Variants in CEP83 observed in about 807,000 individuals in gnomAD.
The protein encoded by CEP83 is centrosomal protein of 83 kDa.
A neutral mutation model predicts 101.9 loss-of-function variants in CEP83; 70 were observed. The observed-to-expected ratio is 0.69, with a 90% CI of 0.57 to 0.84. CEP83 has a LOEUF of 0.84. CEP83 is among the 40% of genes least tolerant of loss of function. The pLI is 0.00. For synonymous variants in CEP83, 264 were observed against 267.9 expected (o/e 0.99, Z 0.14); for missense variants, 715 against 787.2 (o/e 0.91, Z 1.10).
downstream of CEP83, chr12:94,306,743 TTTTTGCTTCTGTA>T: frequency 6.6e-6 from 1 of 152,176 alleles, no homozygotes; most frequent in South Asian, 2.1e-4. Flanking sequence ...AGGCAATTCC[TTTTTGCTTCTGTA>T]TTATCTGGAA....
chr12:94,340,729 G>A (rs764008922), intron 11 of CEP83, among the ~76,000 whole-genome samples: 4 of 152,174 alleles, frequency 2.6e-5, no homozygotes, highest in African/African-American at 4.8e-5. Flanking sequence ...GAGCCACCAC[G>A]CCCAGCCTCG....
In CEP83 at chr12:94,427,835, T is replaced by C. The variant is rs573692659; in HGVS notation, c.-102+7440A>G. 2.6e-5 allele frequency among the ~76,000 whole-genome samples: 4 copies of C among 152,306 alleles called. No homozygotes were observed. In the South Asian group the frequency reaches 8.3e-4, roughly 32 times the overall value. On this transcript the variant is annotated intron_variant, in intron 2 of 16. Coordinates refer to ENST00000397809, the MANE Select transcript of CEP83 (RefSeq NM_016122.3). Reference sequence around the variant, plus strand: ...AATGAATTTCTTCAAAATCCAGAGATAATCCTGCACTAGTCACCCAAACAG... The same window carrying C: ...AATGAATTTCTTCAAAATCCAGAGACAATCCTGCACTAGTCACCCAAACAG...
chr12:94,394,580 C>A (rs2062765500), intron 6 of CEP83, among the ~76,000 whole-genome samples: 1 of 152,154 alleles, frequency 6.6e-6, no homozygotes, highest in South Asian at 2.1e-4. Flanking sequence ...GACTTCATGA[C>A]TAAAACACCA....
the CEP83 span, among the ~76,000 whole-genome samples, chr12:94,275,293 G>A: frequency 1.3e-5 from 2 of 152,244 alleles, no homozygotes; most frequent in African/African-American, 4.8e-5. Flanking sequence ...TGACATCCCA[G>A]CCCTAATACT....
chr12:94,362,330 TAAC>T (rs1216490208), intron 11 of CEP83, among the ~76,000 whole-genome samples: 5 of 152,172 alleles, frequency 3.3e-5, no homozygotes, highest in Admixed American at 1.3e-4. Flanking sequence ...CAAAAAAAAC[TAAC>T]AACAGGCCAA....
chr12:94,453,824 C>T (rs577626773), intron 1 of CEP83, among the ~76,000 whole-genome samples: 18 of 152,312 alleles, frequency 1.2e-4, no homozygotes, highest in African/African-American at 2.6e-4. Flanking sequence ...CTAGGCCGGG[C>T]GCAGTGGCTC....
At chr12:94,343,517 C>G (rs1453023679) in intron 11 of CEP83, among the ~76,000 whole-genome samples, 2 of 117,576 alleles carry the variant, frequency 1.7e-5, no homozygotes, top group Admixed American at 1.0e-4. Context: ...GAGTCTCGCT[C>G]TGTCGCCCAG....
At chr12:94,276,123 TAAAGAC>T in the CEP83 span, among the ~76,000 whole-genome samples, 1 of 152,328 alleles carries the variant, frequency 6.6e-6, no homozygotes, top group East Asian at 1.9e-4. Flanking sequence ...GTGTTTTTGT[TAAAGAC>T]AATAGTGCCT....
intron 2 of CEP83, chr12:94,424,270 T>G (rs987832495): frequency 1.2e-6 from 2 of 1,614,092 alleles, no homozygotes; most frequent in African/African-American, 2.7e-5. Flanking sequence ...CCCGTCCATT[T>G]TGCACAAATA....
downstream of CEP83, chr12:94,305,210 G>A: frequency 1.2e-6 from 2 of 1,609,986 alleles, no homozygotes; most frequent in Non-Finnish European, 1.7e-6. Flanking sequence ...GAGAACGAGG[G>A]CTGGAAGAAG....
rs139578450 is a variant in CEP83 at position 94,366,117 on chromosome 12, A to G, written c.1343+1677T>C. Among the ~76,000 whole-genome samples the G allele has an allele frequency of 7.8e-4, 119 of 152,086 alleles. 1 individual carries two copies. In the East Asian group the frequency reaches 0.022, roughly 28 times the overall value. On this transcript the variant is annotated intron_variant, in intron 11 of 16. Coordinates refer to ENST00000397809, the MANE Select transcript of CEP83 (RefSeq NM_016122.3). ...GATGTGGGAAGTGGCATTTTTTTGAAGGTTTTGTTTTTTTGTTTTTGTTTT... is the reference window on the plus strand; with the variant it reads ...GATGTGGGAAGTGGCATTTTTTTGAGGGTTTTGTTTTTTTGTTTTTGTTTT...
At chr12:94,384,393 TGG>T (rs1168563745) in intron 6 of CEP83, among the ~76,000 whole-genome samples, 1 of 152,192 alleles carries the variant, frequency 6.6e-6, no homozygotes, top group African/African-American at 2.4e-5. Flanking sequence ...AACCTGACTA[TGG>T]TATCTCTTGC....
intron 14 of CEP83, chr12:94,313,236 G>A: frequency 3.5e-6 from 1 of 289,780 alleles, no homozygotes; most frequent in Non-Finnish European, 6.3e-6. Context: ...AATTATGAAT[G>A]CCAAACAAAA....
intron 6 of CEP83, among the ~76,000 whole-genome samples, chr12:94,385,793 T>C (rs952521763): frequency 3.9e-5 from 6 of 152,330 alleles, no homozygotes; most frequent in African/African-American, 1.4e-4. Context: ...AGCCACATAA[T>C]GAAGTTTCAG....
intron 1 of CEP83, among the ~76,000 whole-genome samples, chr12:94,439,890 T>C (rs1258250235): frequency 6.6e-6 from 1 of 152,032 alleles, no homozygotes; most frequent in Non-Finnish European, 1.5e-5. Context: ...GCTTAACAAA[T>C]GGAAGTCAAT....
At chr12:94,312,407 A>G (rs1031632321) in intron 15 of CEP83, among the ~76,000 whole-genome samples, 2 of 152,214 alleles carry the variant, frequency 1.3e-5, no homozygotes, top group Non-Finnish European at 2.9e-5. Context: ...GATTTTTCTT[A>G]ACTTGAATCA....
the CEP83 span, among the ~76,000 whole-genome samples, chr12:94,273,442 T>C: frequency 6.6e-6 from 1 of 152,126 alleles, no homozygotes; most frequent in African/African-American, 2.4e-5. Flanking sequence ...GCCAAGTGTC[T>C]CCATGGTCTA....
chr12:94,317,955 G>T (rs1395434972), intron 14 of CEP83, among the ~76,000 whole-genome samples: 2 of 152,136 alleles, frequency 1.3e-5, no homozygotes, highest in African/African-American at 4.8e-5. Context: ...CTAGTTCCAT[G>T]AAGAATGCCA....
In CEP83 at chr12:94,346,190, C is replaced by T. The variant is rs150985094; in HGVS notation, c.1344-10526G>A. Among the ~76,000 whole-genome samples the T allele has an allele frequency of 9.3e-3, 1,419 of 152,152 alleles. 56 individuals are homozygous for T. The East Asian group carries it at 0.15, about 16-fold the overall frequency. On this transcript the variant is annotated intron_variant, in intron 11 of 16. Coordinates refer to ENST00000397809, the MANE Select transcript of CEP83 (RefSeq NM_016122.3). ...TCAGCCTCCCGAGTAGCTGGGATTA[C>T]AGGCACCTGCCACCACGCCCAACTA...
Sources: allele counts gnomAD v4.1 joint callset (sites outside exome capture counted in the v4.1 genomes callset), GRCh38; gene constraint gnomAD v4.1.1; transcripts MANE v1.5; gene names NCBI Gene and HGNC (gene_info 2026-07-23, HGNC 2026-07-21).